PLCXD3: variants seen among roughly 807,000 people sequenced by gnomAD.
PLCXD3 encodes the protein phosphatidylinositol specific phospholipase C X domain containing 3, also known as PI-PLC X domain-containing protein 3.
A neutral mutation model predicts 25.5 loss-of-function variants in PLCXD3; 19 were observed. The observed-to-expected ratio is 0.75, with a 90% CI of 0.52 to 1.09. PLCXD3 has a LOEUF of 1.09. Ranked by LOEUF, PLCXD3 falls within the 50% of genes least tolerant of loss-of-function variation. The probability of loss-of-function intolerance (pLI) is 0.00; values close to 1 mark genes in which losing one functional copy is unlikely to be tolerated. For missense variants in PLCXD3, 411 were observed against 388.1 expected, an observed-to-expected ratio of 1.06 and a Z score of -0.50; for synonymous variants, 174 against 137.6, an observed-to-expected ratio of 1.26 and a Z score of -1.85.
intron 2 of PLCXD3, among the ~76,000 whole-genome samples, chr5:41,357,271 G>T (rs1389179414): frequency 6.6e-6 from 1 of 152,082 alleles, no homozygotes; most frequent in Non-Finnish European, 1.5e-5. Flanking sequence ...TTGTACCTTG[G>T]TATAAAGCAA....
At chr5:41,507,468 C>A (rs1052607688) in intron 1 of PLCXD3, among the ~76,000 whole-genome samples, 1 of 152,194 alleles carries the variant, frequency 6.6e-6, no homozygotes, top group African/African-American at 2.4e-5. Context: ...CAGTCAATAT[C>A]ATATCATGAA....
chr5:41,386,369 C>T (rs1051034274), intron 1 of PLCXD3, among the ~76,000 whole-genome samples: 8 of 152,082 alleles, frequency 5.3e-5, no homozygotes, highest in Admixed American at 1.3e-4. Flanking sequence ...ATTACCTTAT[C>T]TGTGTAGAAT....
At chr5:41,499,933 G>A (rs1044023458) in intron 1 of PLCXD3, among the ~76,000 whole-genome samples, 3 of 151,754 alleles carry the variant, frequency 2.0e-5, no homozygotes, top group Non-Finnish European at 4.4e-5. Context: ...ATATCCACAT[G>A]AGAAATAATG....
intron 1 of PLCXD3, among the ~76,000 whole-genome samples, chr5:41,433,750 C>T (rs1267165510): frequency 1.3e-5 from 2 of 152,218 alleles, no homozygotes; most frequent in East Asian, 3.8e-4. Flanking sequence ...CTGATCTAAA[C>T]AGCGCCCTCA....
chr5:41,492,948 T>A lies in PLCXD3; in HGVS notation c.103+17476A>T, dbSNP rs933578453. On this transcript the variant is annotated intron_variant, in intron 1 of 2. Coordinates refer to ENST00000377801, the MANE Select transcript of PLCXD3 (RefSeq NM_001005473.3). Reference sequence around the variant, plus strand: ...CTCAACTCGTCAAAGTCATTCTCCCTCCAGCTTTGTTCCATTGCTGGTGAG... The same window carrying A: ...CTCAACTCGTCAAAGTCATTCTCCCACCAGCTTTGTTCCATTGCTGGTGAG... Among the ~76,000 whole-genome samples, 45 of 152,252 alleles carry A rather than the reference T, an allele frequency of 3.0e-4. 1 individual carries two copies. Among genetic ancestry groups the A allele is most frequent in the African/African-American group, 1.0e-3 (43 of 41,474 alleles).
intron 1 of PLCXD3, among the ~76,000 whole-genome samples, chr5:41,494,907 T>C (rs1268286721): frequency 6.6e-6 from 1 of 152,076 alleles, no homozygotes; most frequent in African/African-American, 2.4e-5. Context: ...TACGGAAGCA[T>C]GTAGTGAAGG....
At chr5:41,499,652 T>C (rs1580404858) in intron 1 of PLCXD3, among the ~76,000 whole-genome samples, 1 of 151,830 alleles carries the variant, frequency 6.6e-6, no homozygotes, top group South Asian at 2.1e-4. Context: ...CCTAAATTTA[T>C]ACGGAACCAC....
intron 1 of PLCXD3, among the ~76,000 whole-genome samples, chr5:41,450,201 G>T (rs1243086725): frequency 2.0e-5 from 3 of 152,056 alleles, no homozygotes; most frequent in African/African-American, 4.8e-5. Flanking sequence ...GAACTGGGAG[G>T]GTGCTGTATA....
chr5:41,451,935 C>G (rs1747643174), intron 1 of PLCXD3, among the ~76,000 whole-genome samples: 1 of 152,006 alleles, frequency 6.6e-6, no homozygotes, highest in Admixed American at 6.6e-5. Context: ...ACCCAATTCT[C>G]AAATGAGGGG....
intron 1 of PLCXD3, among the ~76,000 whole-genome samples, chr5:41,507,143 C>G (rs1749066103): frequency 6.6e-6 from 1 of 152,182 alleles, no homozygotes; most frequent in Non-Finnish European, 1.5e-5. Context: ...AGAGTTAGAA[C>G]TCTGTTTCAG....
At chr5:41,472,995 A>G (rs1039960847) in intron 1 of PLCXD3, among the ~76,000 whole-genome samples, 6 of 152,204 alleles carry the variant, frequency 3.9e-5, no homozygotes, top group African/African-American at 1.4e-4. Context: ...AAAATAATAA[A>G]TAAAATTATA....
At chr5:41,358,109 T>A (rs1744670415) in intron 2 of PLCXD3, among the ~76,000 whole-genome samples, 2 of 152,204 alleles carry the variant, frequency 1.3e-5, no homozygotes, top group Non-Finnish European at 2.9e-5. Context: ...GACAGAGAGC[T>A]AAAAACCTTG....
chr5:41,442,718 G>A (rs1747411063), intron 1 of PLCXD3, among the ~76,000 whole-genome samples: 1 of 152,152 alleles, frequency 6.6e-6, no homozygotes, highest in African/African-American at 2.4e-5. Flanking sequence ...TTACCACACA[G>A]GGGAAAGTCC....
chr5:41,424,763 A>G (rs1746913720), intron 1 of PLCXD3, among the ~76,000 whole-genome samples: 1 of 152,162 alleles, frequency 6.6e-6, no homozygotes, highest in African/African-American at 2.4e-5. Flanking sequence ...GTATTTGTTG[A>G]GATTTGCTAT....
At chr5:41,431,401 A>G (rs1747098185) in intron 1 of PLCXD3, among the ~76,000 whole-genome samples, 1 of 152,200 alleles carries the variant, frequency 6.6e-6, no homozygotes, top group Non-Finnish European at 1.5e-5. Flanking sequence ...TGACTTACAC[A>G]TTCTTATGTA....
intron 2 of PLCXD3, among the ~76,000 whole-genome samples, chr5:41,323,730 TGAAAG>T (rs1743543752): frequency 1.3e-5 from 2 of 152,054 alleles, no homozygotes; most frequent in Non-Finnish European, 2.9e-5. Context: ...TATATATATA[TGAAAG>T]ACACCTGAAA....
At chr5:41,458,203 C>T (rs1317484383) in intron 1 of PLCXD3, among the ~76,000 whole-genome samples, 4 of 151,834 alleles carry the variant, frequency 2.6e-5, no homozygotes, top group Non-Finnish European at 5.9e-5. Flanking sequence ...CAGTGTAATA[C>T]TTTAGAAAAC....
At chr5:41,333,932 C>A (rs966515831) in intron 2 of PLCXD3, among the ~76,000 whole-genome samples, 2 of 152,140 alleles carry the variant, frequency 1.3e-5, no homozygotes, top group African/African-American at 4.8e-5. Flanking sequence ...TTCCCAGATT[C>A]TCTGCCCAAA....
chr5:41,341,766 G>A (rs901889997), intron 2 of PLCXD3, among the ~76,000 whole-genome samples: 14 of 152,012 alleles, frequency 9.2e-5, no homozygotes, highest in Admixed American at 2.6e-4. Context: ...GAATCTCCCC[G>A]TGTTGCTAAT....
Sources: allele counts gnomAD v4.1 joint callset (sites outside exome capture counted in the v4.1 genomes callset), GRCh38; gene constraint gnomAD v4.1.1; transcripts MANE v1.5; gene names NCBI Gene and HGNC (gene_info 2026-07-23, HGNC 2026-07-21).